Variants in LIPC observed in about 807,000 individuals in gnomAD.
LIPC encodes the protein lipase C, hepatic type, also known as hepatic triacylglycerol lipase.
In LIPC, 44 loss-of-function variants were observed where a neutral mutation model predicts 50.7. The observed-to-expected ratio is 0.87, with a 90% CI of 0.68 to 1.11. The LOEUF is 1.11. Among genes scored for constraint, LIPC ranks in the 50% most tolerant of loss-of-function variants. The pLI, the probability that LIPC is intolerant of heterozygous loss-of-function variation, is 0.00. For synonymous variants in LIPC, 271 were observed against 256.4 expected (o/e 1.06, Z -0.54); for missense variants, 697 against 648.2 (o/e 1.08, Z -0.82).
intron 8 of LIPC, chr15:58,565,104 C>A: frequency 1.6e-6 from 2 of 1,232,932 alleles, no homozygotes; most frequent in South Asian, 2.7e-5. Context: ...TATACAACCG[C>A]ACTCTGAGAT....
intron 1 of LIPC, among the ~76,000 whole-genome samples, chr15:58,474,714 G>C (rs930479057): frequency 6.6e-6 from 1 of 152,124 alleles, no homozygotes; most frequent in African/African-American, 2.4e-5. Context: ...GACAACCTTC[G>C]AGGTCGTTCC....
chr15:58,551,391 T>A (rs1485914749), intron 6 of LIPC, among the ~76,000 whole-genome samples: 1 of 152,256 alleles, frequency 6.6e-6, no homozygotes, highest in South Asian at 2.1e-4. Context: ...ACAAACCATA[T>A]GTGGCTATTT....
intron 1 of LIPC, among the ~76,000 whole-genome samples, chr15:58,537,339 G>A (rs1461532828): frequency 3.3e-5 from 5 of 152,182 alleles, no homozygotes; most frequent in Non-Finnish European, 5.9e-5. Context: ...CATGGTCATA[G>A]TGAGGCTCCC....
chr15:58,557,379 CTTTTTTTTTTTT>C (rs386383140), intron 6 of LIPC, among the ~76,000 whole-genome samples: 1 of 75,700 alleles, frequency 1.3e-5, no homozygotes, highest in Non-Finnish European at 2.3e-5. Flanking sequence ...ATTATATGCT[CTTTTTTTTTTTT>C]TTTTTTTTTT....
At chr15:58,526,210 A>C (rs544581816) in intron 1 of LIPC, among the ~76,000 whole-genome samples, 3 of 152,256 alleles carry the variant, frequency 2.0e-5, no homozygotes, top group South Asian at 4.1e-4. Flanking sequence ...ACATGAATAC[A>C]TGAGAACCAC....
intron 1 of LIPC, among the ~76,000 whole-genome samples, chr15:58,515,310 T>C (rs1892450991): frequency 6.6e-6 from 1 of 152,182 alleles, no homozygotes; most frequent in African/African-American, 2.4e-5. Flanking sequence ...CAGCCTACCA[T>C]AAACTGGATC....
intron 1 of LIPC, chr15:58,436,947 G>A (rs761090046): frequency 4.5e-6 from 2 of 444,268 alleles, no homozygotes; most frequent in African/African-American, 2.0e-5. Flanking sequence ...CCATAGAACG[G>A]TGTTGATAGC....
At chr15:58,533,947 G>T (rs184478017) in intron 1 of LIPC, among the ~76,000 whole-genome samples, 216 of 152,132 alleles carry the variant, frequency 1.4e-3, no homozygotes, top group African/African-American at 5.1e-3. Context: ...AATTTGAAGG[G>T]GAAAAAAAAG....
chr15:58,447,817 G>C (rs1175302550), intron 1 of LIPC, among the ~76,000 whole-genome samples: 1 of 152,090 alleles, frequency 6.6e-6, no homozygotes, highest in Non-Finnish European at 1.5e-5. Flanking sequence ...AAGTTCTAAA[G>C]GTCACAAAAC....
chr15:58,490,345 T>C lies in LIPC; in HGVS notation c.89-47988T>C, dbSNP rs564130952. Among the ~76,000 whole-genome samples, 16 of 152,302 alleles carry C rather than the reference T, an allele frequency of 1.1e-4. 1 individual carries two copies. The highest frequency in any genetic ancestry group is 5.2e-4 in the Admixed American group (8 of 15,308). On this transcript the variant is annotated intron_variant, in intron 1 of 8. Transcript: ENST00000299022. Reference sequence around the variant, plus strand: ...AGCTTCTGCCAGGAAAGAAAGAACGTTGATGCTATTCGTTTTCCAAAAGAG... The same window carrying C: ...AGCTTCTGCCAGGAAAGAAAGAACGCTGATGCTATTCGTTTTCCAAAAGAG...
At chr15:58,530,498 G>A (rs1968687) in intron 1 of LIPC, among the ~76,000 whole-genome samples, 4 of 152,128 alleles carry the variant, frequency 2.6e-5, no homozygotes, top group Admixed American at 2.6e-4. Context: ...AGCCTATGCC[G>A]CTCAACCTGG....
intron 6 of LIPC, 51 bp from the exon 7 acceptor site, chr15:58,560,813 A>C (rs1301720115): frequency 1.3e-6 from 1 of 793,038 alleles, no homozygotes; most frequent in Non-Finnish European, 2.2e-6. Context: ...TTTAAATTTA[A>C]AATCACTGCT....
At chr15:58,498,926 G>T (rs1343174369) in intron 1 of LIPC, among the ~76,000 whole-genome samples, 2 of 152,188 alleles carry the variant, frequency 1.3e-5, no homozygotes, top group Non-Finnish European at 2.9e-5. Context: ...AAATAGGAGT[G>T]AGCAATACTC....
At chr15:58,445,721 A>C (rs1312860919) in intron 1 of LIPC, among the ~76,000 whole-genome samples, 1 of 152,202 alleles carries the variant, frequency 6.6e-6, no homozygotes, top group Non-Finnish European at 1.5e-5. Flanking sequence ...CGTGGCCTTG[A>C]ACAAATCACT....
chr15:58,442,944 G>A (rs770477102), intron 1 of LIPC, among the ~76,000 whole-genome samples: 21 of 152,084 alleles, frequency 1.4e-4, no homozygotes, highest in Admixed American at 6.5e-5. Context: ...TCTGAGTCTC[G>A]CTCTGTTGCC....
intron 1 of LIPC, among the ~76,000 whole-genome samples, chr15:58,509,677 G>C (rs557017213): frequency 2.4e-4 from 37 of 152,202 alleles, no homozygotes; most frequent in African/African-American, 8.9e-4. Context: ...TGTATACGCA[G>C]TGTTTTGCCA....
intron 1 of LIPC, among the ~76,000 whole-genome samples, chr15:58,528,718 C>G (rs1245708679): frequency 1.3e-5 from 2 of 152,242 alleles, no homozygotes; most frequent in Admixed American, 1.3e-4. Context: ...AAGCCACGCT[C>G]AGGGCATGGG....
chr15:58,541,898 C>A lies in LIPC; in HGVS notation c.387C>A (p.His129Gln). 1 of 1,612,210 alleles carries A rather than the reference C, an allele frequency of 6.2e-7. No individual in the cohort carries two copies. Among genetic ancestry groups the A allele is most frequent in the South Asian group, 1.1e-5 (1 of 91,008 alleles). Residue 129 changes from histidine to glutamine, a missense_variant, in exon 3 of 9, where the codon CAC (histidine) becomes CAA (glutamine). Physicochemically the swap from His to Gln is conservative, Grantham distance 24 (BLOSUM62 0). Coordinates refer to ENST00000299022, the MANE Select transcript of LIPC (RefSeq NM_000236.3). ...ACTGGATCACCCTGGCCCACGACCA[C>A]TACACCATCGCCGTCCGCAACACCC... is the stretch of plus-strand genomic sequence containing the variant. ...LVDWITLAHD[H>Q]YTIAVRNTRL...
intron 6 of LIPC, among the ~76,000 whole-genome samples, chr15:58,555,339 G>A (rs1893900992): frequency 1.3e-5 from 2 of 152,312 alleles, no homozygotes; most frequent in African/African-American, 4.8e-5. Context: ...AGCCCAGGAT[G>A]GATGTCAAGG....
Sources: gnomAD v4.1 joint callset for allele counts (sites outside exome capture counted in the v4.1 genomes callset) on GRCh38, gnomAD v4.1.1 for gene constraint, MANE v1.5 for transcripts, NCBI Gene and HGNC (gene_info 2026-07-23, HGNC 2026-07-21) for gene names.